Variants in PPM1D observed in about 807,000 individuals in gnomAD.
PPM1D encodes protein phosphatase, Mg2+/Mn2+ dependent 1D.
In PPM1D, 52 loss-of-function variants were observed where a neutral mutation model predicts 58.3. The ratio of observed to expected loss-of-function variants is 0.89; its 90% confidence interval spans 0.71 to 1.12. PPM1D has a LOEUF of 1.12. Ranked by LOEUF, PPM1D falls within the 50% of genes most tolerant of loss-of-function variation. The pLI is 0.00. For synonymous variants in PPM1D, 278 were observed against 285.1 expected, an observed-to-expected ratio of 0.98 and a Z score of 0.25; for missense variants, 564 against 777.2, an observed-to-expected ratio of 0.73 and a Z score of 3.26.
chr17:60,656,589 T>C lies in PPM1D; in HGVS notation c.1018-10T>C, dbSNP rs868658947. ...AGTTACTTTCCTTCTCCTTGTTCTTTTGAATACAGGGTGAGCATGGACAAT... is the reference window on the plus strand; with the variant it reads ...AGTTACTTTCCTTCTCCTTGTTCTTCTGAATACAGGGTGAGCATGGACAAT... On this transcript the variant is annotated splice_polypyrimidine_tract_variant and intron_variant, in intron 4 of 5. Transcript: ENST00000305921. 6.2e-7 allele frequency: 1 copy of C among 1,612,138 alleles called. No homozygotes were observed. Among genetic ancestry groups the C allele is most frequent in the Admixed American group, 1.7e-5 (1 of 59,926 alleles).
intron 3 of PPM1D, among the ~76,000 whole-genome samples, chr17:60,640,806 C>G (rs1408895481): frequency 6.6e-6 from 1 of 151,886 alleles, no homozygotes; most frequent in Admixed American, 6.6e-5. Flanking sequence ...GCTTTCTTTT[C>G]CTAAAAGAAA....
intron 1 of PPM1D, among the ~76,000 whole-genome samples, chr17:60,616,632 T>C (rs1413427979): frequency 6.6e-6 from 1 of 152,040 alleles, no homozygotes; most frequent in Non-Finnish European, 1.5e-5. Context: ...AATTGAGGGA[T>C]ACTTAAACTA....
At chr17:60,616,774 A>C (rs1275095859) in intron 1 of PPM1D, among the ~76,000 whole-genome samples, 1 of 152,206 alleles carries the variant, frequency 6.6e-6, no homozygotes, top group Non-Finnish European at 1.5e-5. Flanking sequence ...TTTTTAGGTC[A>C]TTGCAAAATA....
chr17:60,649,295 G>C (rs956793299), intron 4 of PPM1D, among the ~76,000 whole-genome samples: 62 of 152,142 alleles, frequency 4.1e-4, no homozygotes, highest in Non-Finnish European at 1.3e-4. Context: ...CCAAAGATGG[G>C]TTATCCTTAG....
At chr17:60,606,378 A>C (rs1288983484) in intron 1 of PPM1D, among the ~76,000 whole-genome samples, 3 of 152,180 alleles carry the variant, frequency 2.0e-5, no homozygotes, top group Non-Finnish European at 4.4e-5. Context: ...ATTTGTTTGC[A>C]TCCCAGTTTT....
intron 1 of PPM1D, among the ~76,000 whole-genome samples, chr17:60,614,586 C>T (rs767548214): frequency 3.3e-5 from 5 of 152,066 alleles, no homozygotes; most frequent in Non-Finnish European, 7.4e-5. Context: ...GGTGGGGTGG[C>T]TTCCACACCG....
At chr17:60,638,503 G>A (rs1356811015) in intron 3 of PPM1D, among the ~76,000 whole-genome samples, 3 of 151,892 alleles carry the variant, frequency 2.0e-5, no homozygotes, top group Non-Finnish European at 4.4e-5. Flanking sequence ...CAAGTAGCTG[G>A]GATTACAGGT....
At chr17:60,657,987 C>G (rs1001090503) in intron 5 of PPM1D, among the ~76,000 whole-genome samples, 1 of 152,080 alleles carries the variant, frequency 6.6e-6, no homozygotes, top group African/African-American at 2.4e-5. Context: ...GTGATCCACC[C>G]GCATCGGCCT....
At chr17:60,625,615 T>G (rs1412031690) in intron 2 of PPM1D, among the ~76,000 whole-genome samples, 1 of 152,214 alleles carries the variant, frequency 6.6e-6, no homozygotes, top group African/African-American at 2.4e-5. Context: ...ATAACATTTA[T>G]AGATAAGTTT....
At chr17:60,652,316 T>C (rs1319816958) in intron 4 of PPM1D, among the ~76,000 whole-genome samples, 1 of 152,160 alleles carries the variant, frequency 6.6e-6, no homozygotes, top group Non-Finnish European at 1.5e-5. Context: ...TGACAAGATT[T>C]CATTCTTTTC....
chr17:60,623,848 T>G, intron 2 of PPM1D, 99 bp downstream of exon 2: 2 of 1,195,272 alleles, frequency 1.7e-6, no homozygotes, highest in Non-Finnish European at 2.3e-6. Flanking sequence ...TTACTGAAGT[T>G]ACTTTCTTAG....
intron 1 of PPM1D, among the ~76,000 whole-genome samples, chr17:60,622,301 C>G (rs1266962521): frequency 6.6e-6 from 1 of 151,158 alleles, no homozygotes; most frequent in Non-Finnish European, 1.5e-5. Flanking sequence ...TAATTCTATT[C>G]CTTTAAACTT....
At chr17:60,605,060 G>A (rs112326753) in intron 1 of PPM1D, among the ~76,000 whole-genome samples, 13 of 152,292 alleles carry the variant, frequency 8.5e-5, no homozygotes, top group African/African-American at 3.1e-4. Context: ...GACCTCAAGT[G>A]ATCCATCTGC....
At chr17:60,608,514 G>A (rs1379758749) in intron 1 of PPM1D, among the ~76,000 whole-genome samples, 1 of 151,998 alleles carries the variant, frequency 6.6e-6, no homozygotes, top group African/African-American at 2.4e-5. Context: ...GGTGGCATGC[G>A]CTGGTAGTCC....
chr17:60,645,616 ATATATATG>A (rs1317067507), intron 3 of PPM1D, among the ~76,000 whole-genome samples: 1 of 140,092 alleles, frequency 7.1e-6, no homozygotes, highest in African/African-American at 2.7e-5. Context: ...ATGTGTGTAT[ATATATATG>A]TATATGTATA....
chr17:60,628,983 A>T (rs963544653), intron 2 of PPM1D, among the ~76,000 whole-genome samples: 7 of 152,210 alleles, frequency 4.6e-5, no homozygotes, highest in Admixed American at 1.3e-4. Flanking sequence ...GATGGCTACT[A>T]GTAGCCACTT....
chr17:60,663,483 A>C lies in PPM1D; in HGVS notation c.1749A>C (p.Arg583Ser). 6.2e-7 allele frequency: 1 copy of C among 1,613,946 alleles called. No individual in the cohort carries two copies. Among genetic ancestry groups the C allele is most frequent in the African/African-American group, 1.3e-5 (1 of 75,066 alleles). Residue 583 changes from arginine (R) to serine (S), a missense_variant, in exon 6 of 6, where the codon AGA becomes AGC. By Grantham distance (110) the Arg-to-Ser change is moderately radical. Transcript: ENST00000305921. ...CTGTTAAACTCACCATGCGACGCAGACTTAGGGGCCAGAAGAAAATTGGAA... is the reference window on the plus strand; with the variant it reads ...CTGTTAAACTCACCATGCGACGCAGCCTTAGGGGCCAGAAGAAAATTGGAA... ...KNSVKLTMRR[R>S]LRGQKKIGNP...
intron 3 of PPM1D, among the ~76,000 whole-genome samples, chr17:60,634,196 A>G (rs1486048047): frequency 1.3e-5 from 2 of 152,152 alleles, no homozygotes; most frequent in African/African-American, 4.8e-5. Context: ...GGATCTCTTG[A>G]GGTCAGGAGT....
chr17:60,604,921 C>T (rs945803513), intron 1 of PPM1D, among the ~76,000 whole-genome samples: 7 of 152,204 alleles, frequency 4.6e-5, no homozygotes, highest in African/African-American at 1.4e-4. Flanking sequence ...CAGGTTCAAG[C>T]GATTCTCGTG....
Sources: allele counts gnomAD v4.1 joint callset (sites outside exome capture counted in the v4.1 genomes callset), GRCh38; gene constraint gnomAD v4.1.1; transcripts MANE v1.5; gene names NCBI Gene and HGNC (gene_info 2026-07-23, HGNC 2026-07-21).